Variants in CABP2 observed in about 807,000 individuals in gnomAD.
CABP2 encodes calcium binding protein 2.
Under a neutral mutation model 28.6 loss-of-function variants are expected in CABP2, and 25 were observed. The ratio of observed to expected loss-of-function variants is 0.87; its 90% CI spans 0.64 to 1.22. The LOEUF is 1.22. Ranked by LOEUF, CABP2 falls within the 50% of genes most tolerant of loss-of-function variation. The pLI is 0.00. For synonymous variants in CABP2, 138 were observed against 126.0 expected (o/e 1.09, Z -0.64); for missense variants, 310 against 312.2 (o/e 0.99, Z 0.05).
rs774758977 is a variant in CABP2 at position 67,522,018 on chromosome 11, C to T, written c.214-36G>A. The T allele has an allele frequency of 3.1e-6, 5 of 1,598,042 alleles. No homozygotes were observed. The Admixed American group carries it at 5.1e-5, about 16-fold the overall frequency. ...CAGAGGGGTTAGGAATTCCCTGCTC[C>T]TACTGATGACTGTGCCCTTCCTTCT... On this transcript the variant is annotated intron_variant, in intron 2 of 6. Coordinates refer to ENST00000294288, the MANE Select transcript of CABP2 (RefSeq NM_016366.3).
At chr11:67,520,248 G>A (rs897367082) in intron 4 of CABP2, 88 bp from the exon 5 acceptor site, 7 of 787,840 alleles carry the variant, frequency 8.9e-6, no homozygotes, top group Non-Finnish European at 1.5e-5. Flanking sequence ...CCTTCCCTTC[G>A]TGAATGGATC....
chr11:67,519,270 C>G (rs1866707088), intron 6 of CABP2, 106 bp from the exon 7 acceptor site: 1 of 1,070,092 alleles, frequency 9.3e-7, no homozygotes, highest in South Asian at 1.3e-5. Context: ...AGGGGAGGGT[C>G]TTCAAGGGCA....
chr11:67,519,868 G>T lies in CABP2; in HGVS notation c.562C>A (p.Arg188Ser), dbSNP rs770035101. The change falls in exon 6 of 7, where the codon CGC becomes AGC. Residue 188 changes from arginine (R) to serine (S), a missense_variant. Coordinates refer to ENST00000294288, the MANE Select transcript of CABP2 (RefSeq NM_016366.3). ...TCGTCCACCTCCCGCTGGCTGAGGC[G>T]CTCCCCCAGCAGGGCCTTGAGGGCC... is the stretch of plus-strand genomic sequence containing the variant. ...RAALKALLGE[R>S]LSQREVDEIL... is the part of the protein sequence containing the mutation. 1.9e-6 allele frequency: 3 copies of T among 1,613,544 alleles called. No homozygotes were observed. The highest frequency in any genetic ancestry group is 1.7e-4 in the Middle Eastern group (1 of 6,050).
chr11:67,522,589 GGCCCCACCAGGCTGTTGA>G lies in CABP2; in HGVS notation c.152_169del (p.Leu51_Gly56del). ...GCTGGGCCGCAGGAAGATGCAGGCA[GGCCCCACCAGGCTGTTGA>G]GCACCGAGTAGCCCTGGACGCCTGG... On this transcript the variant is annotated inframe_deletion, in exon 2 of 7. Transcript: ENST00000294288. The G allele has an allele frequency of 1.3e-6, 2 of 1,553,470 alleles. No homozygotes were observed. Among genetic ancestry groups the G allele is most frequent in the African/African-American group, 2.7e-5 (2 of 73,294 alleles).
chr11:67,522,421 CT>C, intron 2 of CABP2, 124 bp downstream of exon 2: 2 of 997,978 alleles, frequency 2.0e-6, no homozygotes, highest in Non-Finnish European at 3.0e-6. Flanking sequence ...CCTCTTCCCC[CT>C]AGCTCCAGGA....
Position 67,522,692 on chromosome 11 carries a change from G to C in CABP2, c.67C>G (p.Pro23Ala). 6.6e-7 allele frequency: 1 copy of C among 1,516,990 alleles called. No individual in the cohort carries two copies. Among genetic ancestry groups the C allele is most frequent in the Non-Finnish European group, 8.9e-7 (1 of 1,128,582 alleles). The allele number at this position is 1,516,990 out of a possible 1,614,324, so 94.0% of individuals were successfully genotyped here. ...GGGCTGGGGCAGGAGCCCCTTGGTG[G>C]GGAGCCGAGCCACTGCAAGGGGTCC... ...PKDPLQWLGS[P>A]PRGSCPSPSS... is the part of the protein sequence containing the mutation. The change falls in exon 2 of 7, where the codon CCA (proline) becomes GCA (alanine). Residue 23 changes from proline to alanine, a missense_variant. Coordinates refer to ENST00000294288, the MANE Select transcript of CABP2 (RefSeq NM_016366.3).
At chr11:67,520,982 G>C (rs751653825) in intron 4 of CABP2, 43 bp downstream of exon 4, 7 of 1,597,660 alleles carry the variant, frequency 4.4e-6, no homozygotes, top group Non-Finnish European at 3.4e-6. Flanking sequence ...CCCAGCGGGG[G>C]CATCTGGAGG....
At chr11:67,523,215 G>A (rs1193129278) in intron 1 of CABP2, 70 bp downstream of exon 1, 7 of 1,253,454 alleles carry the variant, frequency 5.6e-6, no homozygotes, top group African/African-American at 1.5e-5. Flanking sequence ...GGAGGGCTCT[G>A]CCCATCCCAT....
At position 67,519,855 on chromosome 11, in the gene CABP2, C is replaced by T. The variant is rs754614044; in HGVS notation, c.575G>A (p.Arg192Gln). 3.7e-6 allele frequency: 6 copies of T among 1,613,974 alleles called. No individual in the cohort carries two copies. The highest frequency in any genetic ancestry group is 2.2e-5 in the East Asian group (1 of 44,888). ...GTCCTGGAGGATCTCGTCCACCTCC[C>T]GCTGGCTGAGGCGCTCCCCCAGCAG... ...KALLGERLSQ[R>Q]EVDEILQDVD... The change falls in exon 6 of 7, where the codon CGG becomes CAG. Residue 192 changes from arginine (R) to glutamine (Q), a missense_variant. Transcript: ENST00000294288.
chr11:67,519,210 C>G (rs757736240), intron 6 of CABP2, 46 bp from the exon 7 acceptor site: 27 of 1,609,458 alleles, frequency 1.7e-5, no homozygotes, highest in Non-Finnish European at 2.1e-5. Context: ...CTGGACTGCG[C>G]TAGGAGTGAG....
In CABP2 at chr11:67,521,041, C is replaced by A; in HGVS notation, c.363G>T (p.Glu121Asp). ...GGCACATACTGATTTGTTGTGAGAT[C>A]TCGATGAGCTCCATCTCGGTGGGCA... is the stretch of plus-strand genomic sequence containing the variant. ...GYMPTEMELIEISQQISGGKV... is the reference protein window; with the variant it reads ...GYMPTEMELIDISQQISGGKV... Residue 121 changes from glutamate (E) to aspartate (D), a missense_variant, in exon 4 of 7, where the codon GAG (glutamate) becomes GAT (aspartate). Coordinates refer to ENST00000294288, the MANE Select transcript of CABP2 (RefSeq NM_016366.3). 1.2e-6 allele frequency: 2 copies of A among 1,613,884 alleles called. No homozygotes were observed. The highest frequency in any genetic ancestry group is 1.7e-6 in the Non-Finnish European group (2 of 1,179,914).
rs1179039214 is a variant in CABP2, at chr11:67,521,111, A to G, written c.293T>C (p.Ile98Thr). 3 of 1,613,646 alleles carry G rather than the reference A, an allele frequency of 1.9e-6. No individual in the cohort carries two copies. The highest frequency in any genetic ancestry group is 2.2e-5 in the East Asian group (1 of 44,878). Residue 98 changes from isoleucine (I) to threonine (T), a missense_variant, in exon 4 of 7, where the codon ATT (isoleucine) becomes ACT (threonine). Physicochemically the swap from Ile to Thr is moderately conservative, Grantham distance 89 (BLOSUM62 -1). Coordinates refer to ENST00000294288, the MANE Select transcript of CABP2 (RefSeq NM_016366.3). Reference sequence around the variant, plus strand: ...GCAGGCACCCAGCTCCCGGCAGCCAATGTAGCCGTCCCGGTCTCGGTCAAA... The same window carrying G: ...GCAGGCACCCAGCTCCCGGCAGCCAGTGTAGCCGTCCCGGTCTCGGTCAAA... ...QEFDRDRDGY[I>T]GCRELGACMR...
In CABP2 at chr11:67,521,945, C is replaced by T. The variant is rs1185101500; in HGVS notation, c.244+7G>A. On this transcript the variant is annotated splice_region_variant and intron_variant, in intron 3 of 6. Coordinates refer to ENST00000294288, the MANE Select transcript of CABP2 (RefSeq NM_016366.3). ...TCAGGGAACCAGTTCCTTCTCCAACCCTTTACCTTCAATCTCCTCGGGCCG... is the reference window on the plus strand; with the variant it reads ...TCAGGGAACCAGTTCCTTCTCCAACTCTTTACCTTCAATCTCCTCGGGCCG... 4 of 1,611,986 alleles carry T rather than the reference C, an allele frequency of 2.5e-6. No individual in the cohort carries two copies. The East Asian group carries it at 8.9e-5, about 36-fold the overall frequency.
intron 2 of CABP2, 70 bp from the exon 3 acceptor site, chr11:67,522,052 G>A (rs1405262092): frequency 4.4e-5 from 63 of 1,426,850 alleles, no homozygotes; most frequent in Non-Finnish European, 5.6e-5. Context: ...CTTGCTTCCC[G>A]GGGCTCCCCA....
intron 1 of CABP2, 46 bp from the exon 2 acceptor site, chr11:67,522,762 T>C: frequency 7.0e-7 from 1 of 1,431,592 alleles, no homozygotes; most frequent in Non-Finnish European, 9.2e-7. Context: ...CGCTGAGCTC[T>C]GGGCCTGATA....
chr11:67,519,927 C>G lies in CABP2; in HGVS notation c.503G>C (p.Gly168Ala), dbSNP rs1198550680. ...CTCGCCCACGCTGATGCGGCCGTCC[C>G]CATTGGTGTCGAACTGTGGCGGCGT... ...RDAFREFDTN[G>A]DGRISVGELR... is the part of the protein sequence containing the mutation. Residue 168 changes from glycine (G) to alanine (A), a missense_variant, in exon 6 of 7, where the codon GGG becomes GCG. Gly to Ala is a moderately conservative substitution (Grantham distance 60). Transcript: ENST00000294288. 1.2e-6 allele frequency: 2 copies of G among 1,608,600 alleles called. No individual in the cohort carries two copies. The highest frequency in any genetic ancestry group is 1.7e-6 in the Non-Finnish European group (2 of 1,179,094).
intron 2 of CABP2, 26 bp from the exon 3 acceptor site, chr11:67,522,008 T>C (rs1472189212): frequency 6.2e-7 from 1 of 1,607,544 alleles, no homozygotes; most frequent in South Asian, 1.1e-5. Flanking sequence ...GGGTTAGGAA[T>C]TCCCTGCTCC....
chr11:67,519,923 G>A lies in CABP2; in HGVS notation c.507C>T (p.Asp169=), dbSNP rs768914726. 14 of 1,608,932 alleles carry A rather than the reference G, an allele frequency of 8.7e-6. No homozygotes were observed. The highest frequency in any genetic ancestry group is 3.3e-4 in the Middle Eastern group (2 of 6,064). The change falls in exon 6 of 7, where the codon GAC becomes GAT. Residue 169 remains aspartate, a synonymous_variant. Coordinates refer to ENST00000294288, the MANE Select transcript of CABP2 (RefSeq NM_016366.3). ...GGAGCTCGCCCACGCTGATGCGGCCGTCCCCATTGGTGTCGAACTGTGGCG... is the reference window on the plus strand; with the variant it reads ...GGAGCTCGCCCACGCTGATGCGGCCATCCCCATTGGTGTCGAACTGTGGCG... ...DAFREFDTNG[D]GRISVGELRA... is the part of the protein sequence containing the mutation.
rs1291940134 is a variant in CABP2 at position 67,518,956 on chromosome 11, A to T, written c.*183T>A. The T allele has an allele frequency of 2.9e-5, 18 of 624,470 alleles. No individual in the cohort carries two copies. The highest frequency in any genetic ancestry group is 2.8e-5 in the Admixed American group (1 of 35,696). The allele number at this position is 624,470 out of a possible 1,614,324, so 38.7% of individuals were successfully genotyped here. ...ATTTTATTGTCAGAGAGACAGAGAC[A>T]AGGCCAGGCGGCTTTATTGGAGAAG... On this transcript the variant is annotated 3_prime_UTR_variant, in exon 7 of 7. Transcript: ENST00000294288.
Sources: gnomAD v4.1 joint callset for allele counts on GRCh38, gnomAD v4.1.1 for gene constraint, MANE v1.5 for transcripts, NCBI Gene and HGNC (gene_info 2026-07-23, HGNC 2026-07-21) for gene names.